Variants in PDE12 observed in about 807,000 individuals in gnomAD.
PDE12 encodes the protein 2',5'-phosphodiesterase 12.
A neutral mutation model predicts 45.4 loss-of-function variants in PDE12; 26 were observed. The observed-to-expected ratio is 0.57, with a 90% CI of 0.42 to 0.79. PDE12 has a LOEUF of 0.79. Among genes scored for constraint, PDE12 ranks in the 30% least tolerant of loss-of-function variants. PDE12 has a pLI of 0.00. For missense variants in PDE12, 668 were observed against 790.0 expected, an observed-to-expected ratio of 0.85 and a Z score of 1.85; for synonymous variants, 283 against 323.9, an observed-to-expected ratio of 0.87 and a Z score of 1.36.
chr3:57,582,389 C>T, the PDE12 span, among the ~76,000 whole-genome samples: 6 of 151,584 alleles, frequency 4.0e-5, no homozygotes, highest in South Asian at 2.1e-4. Context: ...ATCACAGGTG[C>T]GCGCCACCAC....
chr3:57,561,716 A>C lies in PDE12; in HGVS notation c.*1712A>C. 1.0e-6 allele frequency: 1 copy of C among 985,138 alleles called. No individual in the cohort carries two copies. The allele number at this position is 985,138 out of a possible 1,614,324, so 61.0% of individuals were successfully genotyped here. On this transcript the variant is annotated 3_prime_UTR_variant, in exon 3 of 3. Coordinates refer to ENST00000311180, the MANE Select transcript of PDE12 (RefSeq NM_177966.7). ...CCAGTCATGAAAGCCCTTGTTTCAA[A>C]TTCTTTAATCTCTGAACCTAGTATC...
At chr3:57,630,543 A>G in the PDE12 span, 2 of 1,579,198 alleles carry the variant, frequency 1.3e-6, no homozygotes, top group Non-Finnish European at 1.7e-6. Context: ...TACATTTTAA[A>G]AAAGTAAAGT....
At chr3:57,618,660 G>A in the PDE12 span, among the ~76,000 whole-genome samples, 1 of 140,946 alleles carries the variant, frequency 7.1e-6, no homozygotes, top group Non-Finnish European at 1.5e-5. Context: ...CCAGGCTGGA[G>A]TGCAATGGCG....
chr3:57,614,994 A>G, the PDE12 span, among the ~76,000 whole-genome samples: 187 of 148,482 alleles, frequency 1.3e-3, no homozygotes, highest in African/African-American at 4.5e-3. Context: ...CTGTGTCTCA[A>G]AAAAAAAAAA....
At chr3:57,599,371 T>C in the PDE12 span, among the ~76,000 whole-genome samples, 1 of 152,230 alleles carries the variant, frequency 6.6e-6, no homozygotes, top group Non-Finnish European at 1.5e-5. Context: ...TCTCTTTAGC[T>C]TAGTGAGGTG....
chr3:57,601,495 A>G, the PDE12 span, among the ~76,000 whole-genome samples: 1 of 152,156 alleles, frequency 6.6e-6, no homozygotes, highest in African/African-American at 2.4e-5. Context: ...AATAATGTAC[A>G]GACAGCAGAC....
intron 1 of PDE12, 45 bp from the exon 2 acceptor site, chr3:57,559,265 T>C: frequency 6.9e-7 from 1 of 1,443,378 alleles, no homozygotes; most frequent in Non-Finnish European, 9.7e-7. Context: ...ATTCAGGAGA[T>C]TTGCAAATGC....
chr3:57,565,187 CTA>C lies in PDE12; in HGVS notation c.*5185_*5186del, dbSNP rs1277608997. The C allele has an allele frequency of 6.6e-6, 1 of 152,200 alleles. No homozygotes were observed. The highest frequency in any genetic ancestry group is 2.4e-5 in the African/African-American group (1 of 41,512). The allele number at this position is 152,200 out of a possible 1,614,324, so 9.4% of individuals were successfully genotyped here. ...ATTGTTTGTAGAGATGGGGGTCTCT[CTA>C]TGTTGCCCAGACTGGTCTTAAACTC... On this transcript the variant is annotated 3_prime_UTR_variant, in exon 3 of 3. Transcript: ENST00000311180.
chr3:57,588,067 G>A, the PDE12 span, among the ~76,000 whole-genome samples: 1 of 152,056 alleles, frequency 6.6e-6, no homozygotes, highest in Non-Finnish European at 1.5e-5. Context: ...TGCAATATTT[G>A]GCAATGAAAT....
chr3:57,576,152 C>A, the PDE12 span, among the ~76,000 whole-genome samples: 5 of 151,972 alleles, frequency 3.3e-5, no homozygotes, highest in Non-Finnish European at 7.4e-5. Flanking sequence ...AAAAAAAGTA[C>A]CAAGAACAGA....
chr3:57,633,538 G>A, the PDE12 span, among the ~76,000 whole-genome samples: 8 of 152,212 alleles, frequency 5.3e-5, no homozygotes, highest in East Asian at 5.8e-4. Context: ...AATCTTTACC[G>A]GAGCAAAACA....
the PDE12 span, among the ~76,000 whole-genome samples, chr3:57,650,956 G>C: frequency 6.6e-6 from 1 of 152,036 alleles, no homozygotes; most frequent in Non-Finnish European, 1.5e-5. Context: ...GGCTAGTTTT[G>C]TATTTTTAGT....
chr3:57,632,785 G>T, the PDE12 span, among the ~76,000 whole-genome samples: 1 of 152,016 alleles, frequency 6.6e-6, no homozygotes. Context: ...ATAAATATTT[G>T]AGTGCTACCA....
the PDE12 span, among the ~76,000 whole-genome samples, chr3:57,623,972 T>C: frequency 6.6e-6 from 1 of 152,022 alleles, no homozygotes; most frequent in Non-Finnish European, 1.5e-5. Context: ...AACAACAAAA[T>C]CTTTTAAAAT....
At chr3:57,643,420 A>AAC in the PDE12 span, among the ~76,000 whole-genome samples, 2 of 152,002 alleles carry the variant, frequency 1.3e-5, no homozygotes, top group South Asian at 4.1e-4. Flanking sequence ...CTCCCCCCAC[A>AAC]ACACACACAC....
chr3:57,616,941 T>C, the PDE12 span, among the ~76,000 whole-genome samples: 1 of 152,096 alleles, frequency 6.6e-6, no homozygotes, highest in Admixed American at 6.6e-5. Flanking sequence ...GGAGAATTGC[T>C]TGAACCCGGG....
chr3:57,593,378 G>A, the PDE12 span, among the ~76,000 whole-genome samples: 4 of 151,910 alleles, frequency 2.6e-5, no homozygotes, highest in African/African-American at 9.7e-5. Context: ...ATAAATAGAT[G>A]GATTTACAAA....
At position 57,561,285 on chromosome 3, in the gene PDE12, G is replaced by A; in HGVS notation, c.*1281G>A. 2 of 985,424 alleles carry A rather than the reference G, an allele frequency of 2.0e-6. No individual in the cohort carries two copies. The highest frequency in any genetic ancestry group is 2.4e-6 in the Non-Finnish European group (2 of 829,570). 61.0% of individuals were successfully genotyped at this position (985,424 alleles called of 1,614,324 possible). ...TGAATCATTGAGCATTTCTACACTA[G>A]AAGTAATTTCAAAATTGTTGGTTTT... is the stretch of plus-strand genomic sequence containing the variant. On this transcript the variant is annotated 3_prime_UTR_variant, in exon 3 of 3. Coordinates refer to ENST00000311180, the MANE Select transcript of PDE12 (RefSeq NM_177966.7).
chr3:57,632,662 G>A, the PDE12 span, among the ~76,000 whole-genome samples: 4 of 152,062 alleles, frequency 2.6e-5, no homozygotes, highest in Admixed American at 6.6e-5. Context: ...ACTGCAAAAA[G>A]TTTCTCTATG....
Sources: gnomAD v4.1 joint callset for allele counts (sites outside exome capture counted in the v4.1 genomes callset) on GRCh38, gnomAD v4.1.1 for gene constraint, MANE v1.5 for transcripts, NCBI Gene and HGNC (gene_info 2026-07-23, HGNC 2026-07-21) for gene names.